NPHP4: variants seen among roughly 807,000 people sequenced by gnomAD.
NPHP4 encodes nephrocystin 4, also known as nephrocystin-4.
A neutral mutation model predicts 155.8 loss-of-function variants in NPHP4; 151 were observed. The ratio of observed to expected loss-of-function variants is 0.97; its 90% CI spans 0.85 to 1.11. The LOEUF (loss-of-function observed/expected upper bound fraction) is 1.11. NPHP4 is among the 50% of genes least tolerant of loss of function. The pLI is 0.00. For missense variants in NPHP4, 1,956 were observed against 1,925.7 expected (o/e 1.02, Z -0.29); for synonymous variants, 845 against 816.8 (o/e 1.03, Z -0.59).
At position 5,863,382 on chromosome 1, in the gene NPHP4, G is replaced by A. The variant is rs769693899; in HGVS notation, c.4164C>T (p.Thr1388=). 6.8e-6 allele frequency: 11 copies of A among 1,613,900 alleles called. No individual in the cohort carries two copies. Among genetic ancestry groups the A allele is most frequent in the Non-Finnish European group, 9.3e-6 (11 of 1,179,776 alleles). The part of the protein sequence containing the change: ...SFQVGGGETY[T]IGLQFAPSQR... ...GACTAGGCGCAAACTGCAAGCCGAT[G>A]GTGTAGGTCTCTCCACCCCCGACCT... The change falls in exon 30 of 30, where the codon ACC becomes ACT. Residue 1388 remains threonine (T), a synonymous_variant. Coordinates refer to ENST00000378156, the MANE Select transcript of NPHP4 (RefSeq NM_015102.5).
intron 2 of NPHP4, among the ~76,000 whole-genome samples, chr1:5,981,951 G>T (rs1262878617): frequency 6.6e-6 from 1 of 152,122 alleles, no homozygotes; most frequent in African/African-American, 2.4e-5. Flanking sequence ...AAAATGAGCT[G>T]GGAAGTGTTC....
At position 5,892,606 on chromosome 1, in the gene NPHP4, G is replaced by T. The variant is rs925152953; in HGVS notation, c.2144-1578C>A. ...TGGGGGCCGGTCCAGCGGGGCACTG[G>T]AAGGAGCTCCCCAGGAGACAAGACA... is the stretch of plus-strand genomic sequence containing the variant. On this transcript the variant is annotated intron_variant, in intron 16 of 29. Transcript: ENST00000378156. This position sits in a 1 kb window ranked among gnomAD's most constrained non-coding sequence, Gnocchi z 4.5. Among the ~76,000 whole-genome samples, 2 of 152,074 alleles carry T rather than the reference G, an allele frequency of 1.3e-5. No individual in the cohort carries two copies. The highest frequency in any genetic ancestry group is 4.8e-5 in the African/African-American group (2 of 41,394).
chr1:5,984,861 C>T (rs923992905), intron 2 of NPHP4, among the ~76,000 whole-genome samples: 1 of 152,214 alleles, frequency 6.6e-6, no homozygotes, highest in Non-Finnish European at 1.5e-5. Context: ...TTCTGGAAGG[C>T]GGCTGAGCCA....
chr1:5,932,147 C>T lies in NPHP4; in HGVS notation c.1302+1000G>A, dbSNP rs60502045. Among the ~76,000 whole-genome samples, 11 of 152,088 alleles carry T rather than the reference C, an allele frequency of 7.2e-5. No homozygotes were observed. In the East Asian group the frequency reaches 1.9e-3, roughly 27 times the overall value. On this transcript the variant is annotated intron_variant, in intron 10 of 29. Coordinates refer to ENST00000378156, the MANE Select transcript of NPHP4 (RefSeq NM_015102.5). ...TCTTTTTGCTAGTGGAGGGTTGTGC[C>T]TTGATATTGATGGCTGCTGCCTAAT... is the stretch of plus-strand genomic sequence containing the variant.
At chr1:5,938,921 A>G (rs1329131277) in intron 9 of NPHP4, among the ~76,000 whole-genome samples, 1 of 152,176 alleles carries the variant, frequency 6.6e-6, no homozygotes, top group Non-Finnish European at 1.5e-5. Context: ...GGAATGTTAC[A>G]TTTTCTAGAA....
Position 5,907,142 on chromosome 1 carries a change from A to G in NPHP4, c.1584T>C (p.His528=). The stretch of plus-strand genomic sequence containing the variant: ...CCTGGGCCGGGGAGGCCTGAGAGCC[A>G]TGGGGTAGCTGTGAAGTAGGCCTGG... ...CLARPTSQLP[H]GSQASPAQAQ... The change falls in exon 13 of 30, where the codon CAT becomes CAC. Residue 528 remains histidine, a synonymous_variant. Transcript: ENST00000378156. 2 of 1,570,242 alleles carry G rather than the reference A, an allele frequency of 1.3e-6. No individual in the cohort carries two copies. The highest frequency in any genetic ancestry group is 1.7e-6 in the Non-Finnish European group (2 of 1,155,944).
intron 5 of NPHP4, among the ~76,000 whole-genome samples, chr1:5,966,231 G>A (rs115067681): frequency 0.013 from 1,982 of 152,190 alleles, 34 homozygotes; most frequent in African/African-American, 0.042. Context: ...AGGGGCAAAG[G>A]GAGTGGGTTT....
chr1:5,920,056 C>T (rs1347387069), intron 11 of NPHP4, among the ~76,000 whole-genome samples: 1 of 152,160 alleles, frequency 6.6e-6, no homozygotes, highest in African/African-American at 2.4e-5. Flanking sequence ...CCCAGCCTCC[C>T]GAGTAGCTGG....
intron 11 of NPHP4, among the ~76,000 whole-genome samples, chr1:5,921,096 T>A (rs999699087): frequency 1.3e-5 from 2 of 152,266 alleles, no homozygotes; most frequent in Non-Finnish European, 2.9e-5. Flanking sequence ...AAGCAATACA[T>A]GCAATTGTTT....
chr1:5,894,883 C>T (rs778653624), intron 16 of NPHP4, among the ~76,000 whole-genome samples: 1 of 152,180 alleles, frequency 6.6e-6, no homozygotes, highest in Admixed American at 6.5e-5. Flanking sequence ...GGACCGTCAT[C>T]TCCTCGCTCT....
In NPHP4 at chr1:5,977,075, A is replaced by C. The variant is rs1303268964; in HGVS notation, c.279+1195T>G. Reference sequence around the variant, plus strand: ...CTCTCATCACCTCTGTTGCCTCCACACTGTCCCTGCTGCACACCCGTCGTG... The same window carrying C: ...CTCTCATCACCTCTGTTGCCTCCACCCTGTCCCTGCTGCACACCCGTCGTG... On this transcript the variant is annotated intron_variant, in intron 3 of 29. Coordinates refer to ENST00000378156, the MANE Select transcript of NPHP4 (RefSeq NM_015102.5). 2.0e-5 allele frequency among the ~76,000 whole-genome samples: 3 copies of C among 151,888 alleles called. 1 individual carries two copies. The highest frequency in any genetic ancestry group is 2.0e-4 in the Admixed American group (3 of 15,248).
intron 16 of NPHP4, among the ~76,000 whole-genome samples, chr1:5,896,879 A>C (rs751686922): frequency 1.3e-5 from 2 of 152,176 alleles, no homozygotes; most frequent in African/African-American, 2.4e-5. Flanking sequence ...AGCCGGTGAA[A>C]GGCCGGAAGG....
chr1:5,964,931 A>ATTTT (rs1188241159), intron 5 of NPHP4, among the ~76,000 whole-genome samples: 32 of 23,892 alleles, frequency 1.3e-3, no homozygotes, highest in African/African-American at 0.011. Flanking sequence ...ATATATATAT[A>ATTTT]TATATATATA....
At chr1:5,920,078 C>T (rs759173994) in intron 11 of NPHP4, among the ~76,000 whole-genome samples, 17 of 152,126 alleles carry the variant, frequency 1.1e-4, no homozygotes, top group Admixed American at 3.9e-4. Context: ...ACTACAGGCG[C>T]GTGCCACCAC....
chr1:5,864,900 T>C lies in NPHP4; in HGVS notation c.3816+202A>G, dbSNP rs1167146014. The C allele has an allele frequency of 6.9e-6, 4 of 576,284 alleles. No homozygotes were observed. The Admixed American group carries it at 8.8e-5, about 13-fold the overall frequency. 35.7% of individuals were successfully genotyped at this position (576,284 alleles called of 1,614,324 possible). ...GAATTCTGAACACCGGCCTTTGGGG[T>C]TGGTGTGTACGTCACTCACCCCACA... On this transcript the variant is annotated intron_variant, in intron 27 of 29. Coordinates refer to ENST00000378156, the MANE Select transcript of NPHP4 (RefSeq NM_015102.5).
At chr1:5,959,595 G>T (rs967910542) in intron 6 of NPHP4, among the ~76,000 whole-genome samples, 1 of 152,184 alleles carries the variant, frequency 6.6e-6, no homozygotes, top group Admixed American at 6.5e-5. Flanking sequence ...GTCACAAAGT[G>T]ATGACTACCC....
At chr1:5,951,786 C>T (rs1648120335) in intron 7 of NPHP4, among the ~76,000 whole-genome samples, 1 of 152,228 alleles carries the variant, frequency 6.6e-6, no homozygotes, top group South Asian at 2.1e-4. Flanking sequence ...TACAAACAAG[C>T]TTCTACACAG....
intron 12 of NPHP4, among the ~76,000 whole-genome samples, chr1:5,908,039 G>T (rs1273978159): frequency 6.6e-6 from 1 of 152,232 alleles, no homozygotes; most frequent in Non-Finnish European, 1.5e-5. Context: ...TTCACTGTCA[G>T]CAATGATGGC....
intron 1 of NPHP4, among the ~76,000 whole-genome samples, chr1:5,987,002 C>G (rs1655585305): frequency 6.6e-6 from 1 of 152,030 alleles, no homozygotes; most frequent in African/African-American, 2.4e-5. Context: ...CCGGGGCCAC[C>G]TTAGGACACA....
Sources: allele counts gnomAD v4.1 joint callset (sites outside exome capture counted in the v4.1 genomes callset), GRCh38; gene constraint gnomAD v4.1.1; non-coding constraint Gnocchi (gnomAD v3.1); transcripts MANE v1.5; gene names NCBI Gene and HGNC (gene_info 2026-07-23, HGNC 2026-07-21).